The following TEKTL1 variants were observed in gnomAD, a reference collection of about 807,000 sequenced individuals.
The protein encoded by TEKTL1 is tektin like 1.
chr19:15,020,307 C>CAA, the TEKTL1 span, among the ~76,000 whole-genome samples: 1,416 of 139,076 alleles, frequency 0.01, 9 homozygotes, highest in Middle Eastern at 0.043. Flanking sequence ...GATTTTGTCT[C>CAA]AAAAAAAAAA....
the TEKTL1 span, among the ~76,000 whole-genome samples, chr19:15,017,199 G>C: frequency 6.6e-6 from 1 of 152,110 alleles, no homozygotes; most frequent in Non-Finnish European, 1.5e-5. Context: ...TCCAGCCTGG[G>C]AGACAGAGCA....
At chr19:15,021,524 G>A in the TEKTL1 span, 1 of 1,613,838 alleles carries the variant, frequency 6.2e-7, no homozygotes, top group Non-Finnish European at 8.5e-7. Flanking sequence ...CTGAAGGTGA[G>A]CGCATTACCT....
the TEKTL1 span, chr19:15,021,599 C>A: frequency 1.2e-6 from 2 of 1,613,342 alleles, no homozygotes; most frequent in Non-Finnish European, 1.7e-6. Flanking sequence ...GATCCCCCTG[C>A]GCTTCCCTGC....
At chr19:15,019,089 C>T in the TEKTL1 span, among the ~76,000 whole-genome samples, 3 of 152,044 alleles carry the variant, frequency 2.0e-5, no homozygotes, top group African/African-American at 7.2e-5. Context: ...GCTGGAATTA[C>T]AGACGTGAAT....
chr19:15,020,110 C>T, the TEKTL1 span, among the ~76,000 whole-genome samples: 3 of 151,636 alleles, frequency 2.0e-5, no homozygotes, highest in Admixed American at 6.6e-5. Context: ...GAGTTCAAGA[C>T]CAGCCTAGAC....
the TEKTL1 span, chr19:15,010,731 A>G: frequency 7.4e-7 from 1 of 1,352,236 alleles, no homozygotes; most frequent in Non-Finnish European, 9.8e-7. Flanking sequence ...CTCTCAGTAC[A>G]CTGTCTCTAC....
At chr19:15,022,723 T>G in the TEKTL1 span, 1 of 496,152 alleles carries the variant, frequency 2.0e-6, no homozygotes, top group Non-Finnish European at 2.8e-6. Context: ...CCTGTCGCGG[T>G]TTTTTTTTTT....
chr19:15,013,891 G>C, the TEKTL1 span: 1 of 649,066 alleles, frequency 1.5e-6, no homozygotes, highest in Non-Finnish European at 2.7e-6. Context: ...AAGCCACACT[G>C]ACCAGATATT....
chr19:15,011,016 G>T, the TEKTL1 span: 1 of 1,583,760 alleles, frequency 6.3e-7, no homozygotes, highest in Admixed American at 1.8e-5. Context: ...CACCTCGGCC[G>T]CGCCGCCTAC....
At chr19:15,016,914 A>C in the TEKTL1 span, among the ~76,000 whole-genome samples, 15 of 152,162 alleles carry the variant, frequency 9.9e-5, no homozygotes, top group Non-Finnish European at 1.8e-4. Flanking sequence ...CCTTAACAAC[A>C]GGCAAAACTC....
chr19:15,019,985 C>A, the TEKTL1 span, among the ~76,000 whole-genome samples: 4 of 146,366 alleles, frequency 2.7e-5, no homozygotes, highest in East Asian at 6.0e-4. Flanking sequence ...TATATATATA[C>A]CCATAAGTAA....
the TEKTL1 span, chr19:15,022,999 G>GGTGCGC: frequency 2.4e-5 from 39 of 1,613,012 alleles, no homozygotes; most frequent in Middle Eastern, 3.3e-4. Context: ...ACGGCAACGT[G>GGTGCGC]GTGCGCCTGC....
chr19:15,021,210 C>A, the TEKTL1 span: 7 of 993,090 alleles, frequency 7.0e-6, no homozygotes, highest in African/African-American at 1.6e-5. Context: ...CTTACACTAT[C>A]CCCCGCGCCC....
chr19:15,013,973 G>A, the TEKTL1 span, among the ~76,000 whole-genome samples: 1 of 152,096 alleles, frequency 6.6e-6, no homozygotes, highest in African/African-American at 2.4e-5. Context: ...GAATAACAAC[G>A]AACAACCACT....
At chr19:15,022,949 A>G in the TEKTL1 span, 6 of 1,612,504 alleles carry the variant, frequency 3.7e-6, no homozygotes, top group Admixed American at 3.4e-5. Flanking sequence ...CAAGAACCTC[A>G]GCTGGGGCCT....
At chr19:15,017,136 C>G in the TEKTL1 span, among the ~76,000 whole-genome samples, 1 of 152,136 alleles carries the variant, frequency 6.6e-6, no homozygotes, top group African/African-American at 2.4e-5. Context: ...CTGAGAGGAT[C>G]TCTTGAGCCC....
chr19:15,021,633 G>T, the TEKTL1 span: 2 of 1,614,082 alleles, frequency 1.2e-6, no homozygotes, highest in South Asian at 2.2e-5. Flanking sequence ...TAAATATGAC[G>T]TTAGGACTGA....
chr19:15,021,219 C>T, the TEKTL1 span: 6 of 1,129,824 alleles, frequency 5.3e-6, no homozygotes, highest in Non-Finnish European at 4.9e-6. Flanking sequence ...TCCCCCGCGC[C>T]CCCTGGACTT....
At chr19:15,020,533 C>T in the TEKTL1 span, 1 of 1,614,070 alleles carries the variant, frequency 6.2e-7, no homozygotes, top group Non-Finnish European at 8.5e-7. Flanking sequence ...CCTCATGAAC[C>T]AGCCTCTGGA....
Sources: gnomAD v4.1 joint callset for allele counts (sites outside exome capture counted in the v4.1 genomes callset) on GRCh38, gnomAD v4.1.1 for gene constraint, MANE v1.5 for transcripts, NCBI Gene and HGNC (gene_info 2026-07-23, HGNC 2026-07-21) for gene names.